The following DNAH5 variants were observed in gnomAD, a reference collection of about 807,000 sequenced individuals.
The protein encoded by DNAH5 is axonemal beta dynein heavy chain 5.
In DNAH5, 372 loss-of-function variants were observed where a neutral mutation model predicts 518.2. The observed-to-expected ratio is 0.72, with a 90% CI of 0.66 to 0.78. The LOEUF is 0.78. DNAH5 is among the 30% of genes least tolerant of loss of function. The pLI, the probability that DNAH5 is intolerant of heterozygous loss-of-function variation, is 0.00. For missense variants in DNAH5, 5,523 were observed against 5,687.0 expected, an observed-to-expected ratio of 0.97 and a Z score of 0.93; for synonymous variants, 2,039 against 2,025.9, an observed-to-expected ratio of 1.01 and a Z score of -0.17.
At chr5:13,806,995 T>A (rs1759712008) in intron 47 of DNAH5, among the ~76,000 whole-genome samples, 1 of 152,130 alleles carries the variant, frequency 6.6e-6, no homozygotes, top group Admixed American at 6.5e-5. Flanking sequence ...GTGGAAGGTA[T>A]AAAAGCTAGA....
intron 1 of DNAH5, among the ~76,000 whole-genome samples, chr5:13,932,726 A>G (rs947087051): frequency 6.6e-6 from 1 of 152,224 alleles, no homozygotes; most frequent in African/African-American, 2.4e-5. Flanking sequence ...GGCTGGTGTG[A>G]TGCATGCCCA....
chr5:13,780,737 A>T, intron 53 of DNAH5, 92 bp downstream of exon 53: 1 of 1,384,346 alleles, frequency 7.2e-7, no homozygotes, highest in Non-Finnish European at 1.0e-6. Flanking sequence ...GTGACTCTTT[A>T]TATGTAAGAG....
In DNAH5 at chr5:13,847,779, T is replaced by A. The variant is rs185251309; in HGVS notation, c.5115-2786A>T. 5.0e-3 allele frequency among the ~76,000 whole-genome samples: 753 copies of A among 150,434 alleles called. 6 individuals are homozygous for A. The highest frequency in any genetic ancestry group is 0.018 in the African/African-American group (718 of 40,794). On this transcript the variant is annotated intron_variant, in intron 31 of 78. Transcript: ENST00000265104. Reference sequence around the variant, plus strand: ...AGGGGGGATTTCGCATGTGTGTGTGTGTGTCTGTCTGTCTGTCTGTGGTGG... The same window carrying A: ...AGGGGGGATTTCGCATGTGTGTGTGAGTGTCTGTCTGTCTGTCTGTGGTGG...
chr5:13,764,473 T>A (rs1302564452), intron 59 of DNAH5, among the ~76,000 whole-genome samples: 2 of 152,182 alleles, frequency 1.3e-5, no homozygotes, highest in African/African-American at 4.8e-5. Flanking sequence ...CAGAGGCTCA[T>A]AAGCCTATGA....
chr5:13,732,033 T>A (rs1479570025), intron 68 of DNAH5, among the ~76,000 whole-genome samples: 1 of 151,062 alleles, frequency 6.6e-6, no homozygotes, highest in African/African-American at 2.4e-5. Context: ...CTCAGGAGGA[T>A]CACCTAAGCC....
At chr5:13,817,981 C>A (rs1374358876) in intron 41 of DNAH5, among the ~76,000 whole-genome samples, 2 of 152,064 alleles carry the variant, frequency 1.3e-5, no homozygotes, top group African/African-American at 2.4e-5. Flanking sequence ...AATCTGGAAG[C>A]TCTCTAAATT....
In DNAH5 at chr5:13,913,744, T is replaced by C. The variant is rs1776306678; in HGVS notation, c.1535A>G (p.Gln512Arg). The C allele has an allele frequency of 6.2e-7, 1 of 1,613,196 alleles. No homozygotes were observed. The highest frequency in any genetic ancestry group is 1.7e-5 in the Admixed American group (1 of 59,988). Residue 512 changes from glutamine (Q) to arginine (R), a missense_variant and splice_region_variant, in exon 11 of 79, where the codon CAG (glutamine) becomes CGG (arginine). This residue lies in a region of DNAH5 where 5,121 missense variants were observed against 5,223.3 expected (regional missense o/e 0.98). Transcript: ENST00000265104. Reference protein sequence around the residue: ...EGLEDMATKYQGIVATIKKKE... With the variant: ...EGLEDMATKYRGIVATIKKKE... ...AAATATAGCTTTAAAGTACAATACC[T>C]GGTATTTAGTGGCCATGTCTTCCAG...
At position 13,911,836 on chromosome 5, in the gene DNAH5, T is replaced by G. The variant is rs113895119; in HGVS notation, c.1537-343A>C. On this transcript the variant is annotated intron_variant, in intron 11 of 78. Transcript: ENST00000265104. ...ATAATTTTTAAAGCCCAGAGTAGAA[T>G]TTACTAAAATATTCTGTGTTGAATA... Among the ~76,000 whole-genome samples, 998 of 152,280 alleles carry G rather than the reference T, an allele frequency of 6.6e-3. 5 individuals carry two copies. The highest frequency in any genetic ancestry group is 0.031 in the South Asian group (148 of 4,828).
chr5:13,859,350 G>A, intron 30 of DNAH5, 102 bp downstream of exon 30: 1 of 1,228,234 alleles, frequency 8.1e-7, no homozygotes, highest in Non-Finnish European at 1.2e-6. Flanking sequence ...TGAAGGAAGG[G>A]GGTTCAATAG....
intron 32 of DNAH5, among the ~76,000 whole-genome samples, chr5:13,843,921 T>C (rs1765605627): frequency 7.8e-6 from 1 of 127,630 alleles, no homozygotes; most frequent in Admixed American, 7.6e-5. Context: ...ATTGTCCAAT[T>C]TCTCTTGAGT....
intron 1 of DNAH5, among the ~76,000 whole-genome samples, chr5:13,961,676 G>T (rs1212296373): frequency 6.6e-6 from 1 of 152,002 alleles, no homozygotes; most frequent in South Asian, 2.1e-4. Context: ...AGAAAGAAAG[G>T]TATGGTAAAG....
At chr5:14,002,932 C>T (rs976090089) in intron 1 of DNAH5, among the ~76,000 whole-genome samples, 3 of 151,914 alleles carry the variant, frequency 2.0e-5, no homozygotes, top group African/African-American at 7.2e-5. Context: ...TTTTAAAGAA[C>T]AAAACACAAC....
intron 1 of DNAH5, among the ~76,000 whole-genome samples, chr5:14,011,037 T>G (rs384902): frequency 6.6e-6 from 1 of 150,526 alleles, no homozygotes; most frequent in Non-Finnish European, 1.5e-5. Context: ...GAAATGAAAG[T>G]TGATGTAAAT....
intron 47 of DNAH5, among the ~76,000 whole-genome samples, chr5:13,795,640 A>G (rs913203917): frequency 6.6e-6 from 1 of 152,224 alleles, no homozygotes; most frequent in Non-Finnish European, 1.5e-5. Context: ...AGCTGTTACC[A>G]TTCTTTCTGA....
intron 47 of DNAH5, among the ~76,000 whole-genome samples, chr5:13,796,810 G>C (rs1228839606): frequency 6.6e-6 from 1 of 152,092 alleles, no homozygotes; most frequent in African/African-American, 2.4e-5. Context: ...ATACTACAAG[G>C]CTACAGTAAC....
chr5:13,986,719 C>T (rs1379241695), intron 1 of DNAH5, among the ~76,000 whole-genome samples: 1 of 152,050 alleles, frequency 6.6e-6, no homozygotes, highest in South Asian at 2.1e-4. Flanking sequence ...TGGCCCAGGC[C>T]CCTTTCACTG....
chr5:13,737,796 G>A (rs139422964), intron 65 of DNAH5, among the ~76,000 whole-genome samples: 48 of 150,976 alleles, frequency 3.2e-4, no homozygotes, highest in African/African-American at 1.0e-3. Context: ...GCGTGGTGGC[G>A]CATACCTGTA....
chr5:13,955,202 T>TC (rs1780679279), intron 1 of DNAH5, among the ~76,000 whole-genome samples: 1 of 152,066 alleles, frequency 6.6e-6, no homozygotes, highest in African/African-American at 2.4e-5. Context: ...GTGTGGCACT[T>TC]CCCCCCTCAC....
Position 13,780,920 on chromosome 5 carries a change from G to A in DNAH5, c.8860C>T (p.Leu2954=). The A allele has an allele frequency of 6.2e-7, 1 of 1,613,766 alleles. No homozygotes were observed. Among genetic ancestry groups the A allele is most frequent in the South Asian group, 1.1e-5 (1 of 91,076 alleles). The stretch of plus-strand genomic sequence containing the variant: ...TTTCCTGATCCGCCCACCCCGACCA[G>A]GAGGGCATTTCCCTGAGGAGTACGA... ...VIRTPQGNAL[L]VGVGGSGKQS... Residue 2954 remains leucine, a synonymous_variant, in exon 53 of 79, where the codon CTG becomes TTG. Transcript: ENST00000265104.
Sources: allele counts gnomAD v4.1 joint callset (sites outside exome capture counted in the v4.1 genomes callset), GRCh38; gene constraint gnomAD v4.1.1; regional missense constraint gnomAD v4.1.1; transcripts MANE v1.5; gene names NCBI Gene and HGNC (gene_info 2026-07-23, HGNC 2026-07-21).